CLSTN2: variants seen among roughly 807,000 people sequenced by gnomAD.
CLSTN2 encodes calsyntenin-2.
Under a neutral mutation model 101.2 loss-of-function variants are expected in CLSTN2, and 48 were observed. That is an observed-to-expected ratio of 0.47 (90% CI 0.38 to 0.60). The LOEUF is 0.60. Ranked by LOEUF, CLSTN2 falls within the 20% of genes least tolerant of loss-of-function variation. CLSTN2 has a pLI of 0.00. For synonymous variants in CLSTN2, 481 were observed against 463.6 expected (o/e 1.04, Z -0.48); for missense variants, 1,160 against 1,238.2 (o/e 0.94, Z 0.95).
At chr3:140,539,430 T>A (rs1248972659) in intron 9 of CLSTN2, among the ~76,000 whole-genome samples, 1 of 152,196 alleles carries the variant, frequency 6.6e-6, no homozygotes, top group Non-Finnish European at 1.5e-5. Flanking sequence ...GTTCAGTGAA[T>A]CATGTCTGGA....
intron 1 of CLSTN2, among the ~76,000 whole-genome samples, chr3:139,979,523 CACA>C (rs1184144051): frequency 1.3e-5 from 2 of 152,138 alleles, no homozygotes; most frequent in Non-Finnish European, 2.9e-5. Context: ...ATGTCTCAGG[CACA>C]GAGGCACATT....
chr3:140,286,049 A>C (rs2086892995), intron 2 of CLSTN2, among the ~76,000 whole-genome samples: 1 of 152,170 alleles, frequency 6.6e-6, no homozygotes, highest in Admixed American at 6.5e-5. Context: ...TTAGGCTCTA[A>C]GATGAGCTAC....
chr3:140,211,547 G>GTT (rs2010855430), intron 2 of CLSTN2, among the ~76,000 whole-genome samples: 1 of 150,376 alleles, frequency 6.6e-6, no homozygotes, highest in Non-Finnish European at 1.5e-5. Flanking sequence ...GTGTGTGTGT[G>GTT]TGTGTGTGTA....
intron 1 of CLSTN2, among the ~76,000 whole-genome samples, chr3:139,954,135 TC>T (rs1438937713): frequency 6.6e-6 from 1 of 152,150 alleles, no homozygotes; most frequent in Non-Finnish European, 1.5e-5. Flanking sequence ...CAACCCTCCA[TC>T]CTCAAGTTGG....
intron 1 of CLSTN2, among the ~76,000 whole-genome samples, chr3:139,946,741 G>T (rs1274769642): frequency 2.0e-5 from 3 of 152,338 alleles, no homozygotes; most frequent in East Asian, 1.9e-4. Context: ...CTCAAGGAAA[G>T]TTTCCTGAGT....
intron 1 of CLSTN2, among the ~76,000 whole-genome samples, chr3:140,017,908 A>T (rs1171057888): frequency 2.0e-5 from 3 of 152,212 alleles, no homozygotes; most frequent in Non-Finnish European, 4.4e-5. Flanking sequence ...AGTATTTATG[A>T]GCACTCGGCC....
intron 2 of CLSTN2, among the ~76,000 whole-genome samples, chr3:140,294,596 A>T: frequency 6.6e-6 from 1 of 152,024 alleles, no homozygotes; most frequent in Middle Eastern, 3.4e-3. Context: ...GGGAAACAGA[A>T]ACTCCATGAG....
chr3:140,164,551 T>C (rs969847521), intron 1 of CLSTN2, among the ~76,000 whole-genome samples: 1 of 152,182 alleles, frequency 6.6e-6, no homozygotes, highest in African/African-American at 2.4e-5. Flanking sequence ...AAATATCCTG[T>C]TGGTATGTAA....
chr3:140,296,581 C>T (rs907630548), intron 2 of CLSTN2, among the ~76,000 whole-genome samples: 11 of 152,158 alleles, frequency 7.2e-5, no homozygotes, highest in African/African-American at 2.7e-4. Flanking sequence ...AATTGGGATG[C>T]TCATCATTTT....
Position 140,576,007 on chromosome 3 carries a change from T to C in CLSTN2, c.*9754T>C, listed in dbSNP as rs1162740570. ...AGCAGTGGGAATAGTGCTTGGCACA[T>C]AGTAGGAGTTTGGTAAACATTTGGA... On this transcript the variant is annotated 3_prime_UTR_variant, in exon 17 of 17. Coordinates refer to ENST00000458420, the MANE Select transcript of CLSTN2 (RefSeq NM_022131.3). 6.6e-6 allele frequency: 1 copy of C among 152,166 alleles called. No homozygotes were observed. Among genetic ancestry groups the C allele is most frequent in the Non-Finnish European group, 1.5e-5 (1 of 68,026 alleles). 9.4% of individuals were successfully genotyped at this position (152,166 alleles called of 1,614,324 possible).
chr3:140,384,866 G>A (rs1321494970), intron 2 of CLSTN2, among the ~76,000 whole-genome samples: 1 of 152,190 alleles, frequency 6.6e-6, no homozygotes, highest in East Asian at 1.9e-4. Flanking sequence ...TTCCCCACAT[G>A]AACATTTGGG....
At chr3:140,489,001 G>A (rs543080575) in intron 8 of CLSTN2, among the ~76,000 whole-genome samples, 11 of 152,236 alleles carry the variant, frequency 7.2e-5, no homozygotes, top group South Asian at 2.1e-4. Context: ...AACAATGAAT[G>A]TATAAGCTAC....
intron 8 of CLSTN2, among the ~76,000 whole-genome samples, chr3:140,472,657 T>C (rs887730449): frequency 1.3e-5 from 2 of 152,228 alleles, no homozygotes; most frequent in African/African-American, 4.8e-5. Flanking sequence ...ATCTGTCCTT[T>C]AGGAACCAGT....
At chr3:140,372,187 G>A (rs993564820) in intron 2 of CLSTN2, among the ~76,000 whole-genome samples, 1 of 152,120 alleles carries the variant, frequency 6.6e-6, no homozygotes, top group Non-Finnish European at 1.5e-5. Flanking sequence ...TAGTATCCGG[G>A]ATGAAATTCT....
intron 2 of CLSTN2, among the ~76,000 whole-genome samples, chr3:140,353,255 A>G (rs2087631737): frequency 6.6e-6 from 1 of 151,166 alleles, no homozygotes; most frequent in African/African-American, 2.4e-5. Flanking sequence ...ATATATATAT[A>G]TATATATATG....
chr3:140,279,002 G>A (rs2086821193), intron 2 of CLSTN2, among the ~76,000 whole-genome samples: 1 of 152,186 alleles, frequency 6.6e-6, no homozygotes, highest in African/African-American at 2.4e-5. Flanking sequence ...ATACAGGCAT[G>A]AGCCACCATG....
Position 140,146,438 on chromosome 3 carries a change from T to C in CLSTN2, c.110-29513T>C, listed in dbSNP as rs115037522. Among the ~76,000 whole-genome samples the C allele has an allele frequency of 6.5e-3, 987 of 152,198 alleles. 7 individuals carry two copies. The highest frequency in any genetic ancestry group is 0.022 in the African/African-American group (928 of 41,530). Reference sequence around the variant, plus strand: ...AGCTCAGACAAAGCAAAAGAGAGAATGGGAAGTGAGATGAAAGGGTTTTGT... The same window carrying C: ...AGCTCAGACAAAGCAAAAGAGAGAACGGGAAGTGAGATGAAAGGGTTTTGT... On this transcript the variant is annotated intron_variant, in intron 1 of 16. Coordinates refer to ENST00000458420, the MANE Select transcript of CLSTN2 (RefSeq NM_022131.3).
At chr3:140,551,058 G>GA (rs1266882728) in intron 10 of CLSTN2, among the ~76,000 whole-genome samples, 2 of 152,102 alleles carry the variant, frequency 1.3e-5, no homozygotes, top group African/African-American at 4.8e-5. Context: ...AAACTAGGGG[G>GA]ACTGGGGCTC....
chr3:140,321,266 G>C (rs1364746538), intron 2 of CLSTN2, among the ~76,000 whole-genome samples: 1 of 152,146 alleles, frequency 6.6e-6, no homozygotes, highest in Non-Finnish European at 1.5e-5. Flanking sequence ...CATAGGCGCA[G>C]AGTAAATCTA....
Sources: gnomAD v4.1 joint callset for allele counts (sites outside exome capture counted in the v4.1 genomes callset) on GRCh38, gnomAD v4.1.1 for gene constraint, MANE v1.5 for transcripts, NCBI Gene and HGNC (gene_info 2026-07-23, HGNC 2026-07-21) for gene names.